DMD: variants seen among roughly 807,000 people sequenced by gnomAD.
DMD encodes dystrophin, also known as mutant dystrophin.
In DMD, 63 loss-of-function variants were observed where a neutral mutation model predicts 330.1. The ratio of observed to expected loss-of-function variants is 0.19; its 90% CI spans 0.16 to 0.24. DMD has a LOEUF of 0.24. DMD is among the 10% of genes least tolerant of loss of function. The pLI is 1.00. For missense variants in DMD, 3,344 were observed against 2,684.1 expected (o/e 1.25, Z -5.43); for synonymous variants, 1,223 against 959.8 (o/e 1.27, Z -5.07).
intron 2 of DMD, among the ~76,000 whole-genome samples, chrX:32,882,416 C>A (rs2084044772): frequency 8.9e-6 from 1 of 112,180 alleles, no homozygotes; most frequent in South Asian, 3.7e-4. Context: ...TGTCTGTTAA[C>A]TGACCCTGGC....
At chrX:33,015,248 A>G (rs1335595041) in intron 2 of DMD, among the ~76,000 whole-genome samples, 1 of 111,905 alleles carries the variant, frequency 8.9e-6, no homozygotes, top group Non-Finnish European at 1.9e-5. Flanking sequence ...AATAGCAAAG[A>G]CGTGGAATCA....
chrX:32,902,421 C>A (rs2086348394), intron 2 of DMD, among the ~76,000 whole-genome samples: 1 of 110,625 alleles, frequency 9.0e-6, no homozygotes, highest in African/African-American at 3.3e-5. Flanking sequence ...ATACCACATG[C>A]AAAATATGTC....
intron 63 of DMD, among the ~76,000 whole-genome samples, chrX:31,251,662 T>G (rs1455864178): frequency 1.8e-5 from 2 of 112,578 alleles, no homozygotes; most frequent in East Asian, 5.5e-4. Flanking sequence ...GTGCTCTGAC[T>G]GTTCTGAATC....
At chrX:32,207,457 C>G (rs952877438) in intron 44 of DMD, among the ~76,000 whole-genome samples, 3 of 111,785 alleles carry the variant, frequency 2.7e-5, no homozygotes, top group Non-Finnish European at 5.6e-5. Flanking sequence ...ATTACCTAGT[C>G]TTAGGTACTT....
chrX:31,495,233 AATATAAACCCTT>A (rs1306615509), intron 57 of DMD, among the ~76,000 whole-genome samples: 1 of 108,722 alleles, frequency 9.2e-6, no homozygotes, highest in Non-Finnish European at 1.9e-5. Flanking sequence ...TCTCCAGAAT[AATATAAACCCTT>A]GACCTTTCCT....
intron 55 of DMD, among the ~76,000 whole-genome samples, chrX:31,600,369 C>G (rs183528092): frequency 9.0e-6 from 1 of 111,176 alleles, no homozygotes. Flanking sequence ...CATTTCTGAA[C>G]CAATTCTAGA....
At chrX:32,779,399 A>G (rs1472152448) in intron 7 of DMD, among the ~76,000 whole-genome samples, 1 of 110,589 alleles carries the variant, frequency 9.0e-6, no homozygotes, top group East Asian at 2.8e-4. Context: ...TTTGTCGCAC[A>G]TTCCCTTTTT....
intron 33 of DMD, among the ~76,000 whole-genome samples, chrX:32,385,151 A>G (rs2097949451): frequency 9.0e-6 from 1 of 111,032 alleles, no homozygotes; most frequent in African/African-American, 3.3e-5. Flanking sequence ...ACCTGATTCA[A>G]AAATATTCTA....
In DMD at chrX:31,867,111, C is replaced by T. The variant is rs866417505; in HGVS notation, c.7098+8077G>A. Among the ~76,000 whole-genome samples, 12 of 84,053 alleles carry T rather than the reference C, an allele frequency of 1.4e-4. No individual in the cohort carries two copies. In the East Asian group the frequency reaches 3.3e-3, roughly 23 times the overall value. 73.0% of individuals were successfully genotyped at this position (84,053 alleles called of 115,157 possible). ...ATTTTGATATATATATATATATATACGCACACACAAAATTGCAAAACAATT... is the reference window on the plus strand; with the variant it reads ...ATTTTGATATATATATATATATATATGCACACACAAAATTGCAAAACAATT... On this transcript the variant is annotated intron_variant, in intron 48 of 78. Coordinates refer to ENST00000357033, the MANE Select transcript of DMD (RefSeq NM_004006.3).
At chrX:32,821,059 G>A (rs2078202185) in intron 5 of DMD, among the ~76,000 whole-genome samples, 1 of 110,692 alleles carries the variant, frequency 9.0e-6, no homozygotes, top group African/African-American at 3.3e-5. Context: ...GGCCAACTTG[G>A]GCTCACTTAA....
Position 31,498,667 on chromosome X carries a change from T to A in DMD, c.8391-1723A>T, listed in dbSNP as rs146100803. On this transcript the variant is annotated intron_variant, in intron 56 of 78. Coordinates refer to ENST00000357033, the MANE Select transcript of DMD (RefSeq NM_004006.3). ...TATCCCTCAGAGGTAGATTTACAGG[T>A]GATTTATTTCTTAATCTTTCTACTT... 8.0e-3 allele frequency among the ~76,000 whole-genome samples: 902 copies of A among 112,380 alleles called. 6 individuals are homozygous for A. The highest frequency in any genetic ancestry group is 0.013 in the Non-Finnish European group (716 of 53,257).
intron 59 of DMD, among the ~76,000 whole-genome samples, chrX:31,448,011 C>CAAAAAA (rs1198070119): frequency 8.5e-5 from 3 of 35,301 alleles, no homozygotes; most frequent in Admixed American, 3.5e-4. Context: ...ACTCTGTCTC[C>CAAAAAA]AAAAAAAAAA....
chrX:32,214,224 TAAA>T (rs200083093), intron 44 of DMD, among the ~76,000 whole-genome samples: 1,880 of 88,942 alleles, frequency 0.021, 47 homozygotes, highest in African/African-American at 0.076. Context: ...CTGAAACACT[TAAA>T]AAAAAAAAAA....
intron 61 of DMD, among the ~76,000 whole-genome samples, chrX:31,336,922 CTTTCT>C (rs1338064192): frequency 1.0e-5 from 1 of 95,316 alleles, no homozygotes; most frequent in East Asian, 4.0e-4. Context: ...TCTTTTCTTT[CTTTCT>C]TTTTTTTTTT....
chrX:31,350,626 T>TGA (rs1202092669), intron 60 of DMD, among the ~76,000 whole-genome samples: 13 of 48,277 alleles, frequency 2.7e-4, no homozygotes, highest in South Asian at 2.5e-3. Flanking sequence ...TGTGTGTGTG[T>TGA]GTGTGTGAGA....
At chrX:31,500,928 C>G (rs6631319) in intron 56 of DMD, among the ~76,000 whole-genome samples, 12,896 of 111,721 alleles carry the variant, frequency 0.12, 602 homozygotes, top group South Asian at 0.35. Flanking sequence ...AACAAAAAGG[C>G]TTGTTGCTGT....
intron 1 of DMD, among the ~76,000 whole-genome samples, chrX:33,239,996 T>C (rs1308055794): frequency 9.0e-6 from 1 of 111,466 alleles, no homozygotes; most frequent in Non-Finnish European, 1.9e-5. Flanking sequence ...AGTGAATTTG[T>C]GTTTAGTCTT....
At chrX:31,882,869 A>C (rs1366575488) in intron 47 of DMD, among the ~76,000 whole-genome samples, 1 of 112,279 alleles carries the variant, frequency 8.9e-6, no homozygotes, top group East Asian at 2.8e-4. Context: ...TAGAAGTCTT[A>C]TATACTGCTG....
chrX:31,346,827 C>T (rs1300305526), intron 61 of DMD, among the ~76,000 whole-genome samples: 2 of 106,771 alleles, frequency 1.9e-5, no homozygotes, highest in East Asian at 2.9e-4. Context: ...GGTGAAGCCT[C>T]GTCTCTACTA....
Sources: allele counts gnomAD v4.1 joint callset (sites outside exome capture counted in the v4.1 genomes callset), GRCh38; gene constraint gnomAD v4.1.1; transcripts MANE v1.5; gene names NCBI Gene and HGNC (gene_info 2026-07-23, HGNC 2026-07-21).